Variants in TRAPPC10 observed in about 807,000 individuals in gnomAD.
The protein encoded by TRAPPC10 is TRAPP 130 kDa subunit.
Under a neutral mutation model 125.5 loss-of-function variants are expected in TRAPPC10, and 23 were observed. That is an observed-to-expected ratio of 0.18 (90% CI 0.13 to 0.26). The LOEUF (loss-of-function observed/expected upper bound fraction) is 0.26. Among genes scored for constraint, TRAPPC10 ranks in the 10% least tolerant of loss-of-function variants. TRAPPC10 has a pLI of 1.00. For synonymous variants in TRAPPC10, 509 were observed against 518.0 expected (o/e 0.98, Z 0.24); for missense variants, 1,123 against 1,308.4 (o/e 0.86, Z 2.19).
At chr21:44,031,468 A>G (rs1005611143) in intron 1 of TRAPPC10, among the ~76,000 whole-genome samples, 3 of 152,238 alleles carry the variant, frequency 2.0e-5, no homozygotes, top group Admixed American at 1.3e-4. Flanking sequence ...CTGGATTCCT[A>G]ACTCGCGTCT....
intron 13 of TRAPPC10, 38 bp downstream of exon 13, chr21:44,080,165 C>A: frequency 2.6e-6 from 4 of 1,519,980 alleles, no homozygotes; most frequent in South Asian, 1.1e-5. Flanking sequence ...GGAATATTTT[C>A]AAATATTACA....
Position 44,063,163 on chromosome 21 carries a change from C to G in TRAPPC10, c.791-375C>G. ...TGGTCAGAGCAGGCTGCACTCCAGC[C>G]CACAGGTAAAGATAAGGAAGCCCAG... On this transcript the variant is annotated intron_variant, in intron 6 of 22. Coordinates refer to ENST00000291574, the MANE Select transcript of TRAPPC10 (RefSeq NM_003274.5). The surrounding 1 kb of genome is among the most constrained non-coding windows in gnomAD (Gnocchi z 4.4). 1 of 1,301,862 alleles carries G rather than the reference C, an allele frequency of 7.7e-7. No homozygotes were observed. The highest frequency in any genetic ancestry group is 1.0e-6 in the Non-Finnish European group (1 of 992,022). The allele number at this position is 1,301,862 out of a possible 1,614,324, so 80.6% of individuals were successfully genotyped here.
At position 44,089,895 on chromosome 21, in the gene TRAPPC10, C is replaced by G. The variant is rs763246218; in HGVS notation, c.2832C>G (p.Pro944=). The change falls in exon 18 of 23, where the codon CCC becomes CCG. Residue 944 remains proline (P), a synonymous_variant. Transcript: ENST00000291574. ...STVIALTFSV[P]FRTTHSLLSS... ...TCATCGCACTGACCTTCAGCGTACC[C>G]TTCAGGACCACACACAGCCTCCTGT... is the stretch of plus-strand genomic sequence containing the variant. The G allele has an allele frequency of 5.0e-6, 8 of 1,613,792 alleles. No homozygotes were observed. The highest frequency in any genetic ancestry group is 6.8e-6 in the Non-Finnish European group (8 of 1,179,880).
chr21:44,063,166 C>A lies in TRAPPC10; in HGVS notation c.791-372C>A. ...TCAGAGCAGGCTGCACTCCAGCCCA[C>A]AGGTAAAGATAAGGAAGCCCAGCCC... On this transcript the variant is annotated intron_variant, in intron 6 of 22. Coordinates refer to ENST00000291574, the MANE Select transcript of TRAPPC10 (RefSeq NM_003274.5). This position sits in a 1 kb window ranked among gnomAD's most constrained non-coding sequence, Gnocchi z 4.4. 4 of 1,300,514 alleles carry A rather than the reference C, an allele frequency of 3.1e-6. No homozygotes were observed. In the South Asian group the frequency reaches 5.0e-5, roughly 16 times the overall value. 80.6% of individuals were successfully genotyped at this position (1,300,514 alleles called of 1,614,324 possible).
At chr21:44,062,134 T>G (rs1320157505) in intron 6 of TRAPPC10, among the ~76,000 whole-genome samples, 1 of 152,194 alleles carries the variant, frequency 6.6e-6, no homozygotes, top group Admixed American at 6.5e-5. Flanking sequence ...TTTGACATAA[T>G]TTATTTGGTT....
At chr21:44,038,498 G>A (rs1601615878) in intron 3 of TRAPPC10, among the ~76,000 whole-genome samples, 1 of 151,820 alleles carries the variant, frequency 6.6e-6, no homozygotes, top group South Asian at 2.1e-4. Flanking sequence ...GGCAGGAGGC[G>A]CCCCGTGACT....
chr21:44,020,281 C>A (rs1329355460), intron 1 of TRAPPC10, among the ~76,000 whole-genome samples: 1 of 151,848 alleles, frequency 6.6e-6, no homozygotes. Flanking sequence ...CGCCCACCAC[C>A]ACACCTGGCT....
rs1012050901 is a variant in TRAPPC10, at chr21:44,012,711, GGCCCTCTGACTTTTCGGGGAC to G, written c.67+162_67+182del. On this transcript the variant is annotated intron_variant, in intron 1 of 22. Coordinates refer to ENST00000291574, the MANE Select transcript of TRAPPC10 (RefSeq NM_003274.5). Reference sequence around the variant, plus strand: ...GTGACCAGGGCTGCGGCTGAGGCGGGGCCCTCTGACTTTTCGGGGACGCCCTCTGACCTTCCCGCCGGGCGA... The same window carrying G: ...GTGACCAGGGCTGCGGCTGAGGCGGGGCCCTCTGACCTTCCCGCCGGGCGA... The G allele has an allele frequency of 3.9e-5, 26 of 661,912 alleles. No individual in the cohort carries two copies. In the East Asian group the frequency reaches 7.2e-4, roughly 18 times the overall value. 41.0% of individuals were successfully genotyped at this position (661,912 alleles called of 1,614,324 possible).
intron 9 of TRAPPC10, among the ~76,000 whole-genome samples, chr21:44,075,367 G>C (rs779730236): frequency 3.9e-5 from 6 of 152,214 alleles, no homozygotes; most frequent in Non-Finnish European, 8.8e-5. Context: ...AAATTGGAAG[G>C]AGTTTCAGAA....
intron 20 of TRAPPC10, among the ~76,000 whole-genome samples, chr21:44,095,736 T>G (rs1185514256): frequency 6.6e-6 from 1 of 151,954 alleles, no homozygotes; most frequent in Non-Finnish European, 1.5e-5. Context: ...GCCTGGCTAA[T>G]TTTTTGTATT....
At chr21:44,074,998 C>T (rs1051380293) in intron 8 of TRAPPC10, 41 bp from the exon 9 acceptor site, 69 of 1,408,114 alleles carry the variant, frequency 4.9e-5, no homozygotes, top group Non-Finnish European at 6.6e-5. Flanking sequence ...CCTGCTGACT[C>T]TTACGGCAAA....
rs1230461554 is a variant in TRAPPC10 at position 44,092,151 on chromosome 21, T to G, written c.2997+102T>G. ...CGACTGAGCCTTTAGATAGAACAGCTGCACTGCTGATGAGTAAAGGCTCCT... is the reference window on the plus strand; with the variant it reads ...CGACTGAGCCTTTAGATAGAACAGCGGCACTGCTGATGAGTAAAGGCTCCT... On this transcript the variant is annotated intron_variant, in intron 19 of 22. Coordinates refer to ENST00000291574, the MANE Select transcript of TRAPPC10 (RefSeq NM_003274.5). 19 of 1,445,480 alleles carry G rather than the reference T, an allele frequency of 1.3e-5. No homozygotes were observed. In the East Asian group the frequency reaches 3.7e-4, roughly 28 times the overall value. The allele number at this position is 1,445,480 out of a possible 1,614,324, so 89.5% of individuals were successfully genotyped here. A position where few individuals can be genotyped will look rare whatever the true frequency, so the allele number is the denominator to read the frequency against.
At chr21:44,024,100 G>GT (rs1482612727) in intron 1 of TRAPPC10, among the ~76,000 whole-genome samples, 19 of 152,186 alleles carry the variant, frequency 1.2e-4, no homozygotes, top group African/African-American at 4.3e-4. Flanking sequence ...ATTGTTCTTT[G>GT]TTTTTTGTAT....
At chr21:44,077,929 T>A in intron 11 of TRAPPC10, 145 bp downstream of exon 11, 1 of 497,236 alleles carries the variant, frequency 2.0e-6, no homozygotes. Flanking sequence ...AATTTTTTTT[T>A]CAGTTTCTTC....
At position 44,100,990 on chromosome 21, in the gene TRAPPC10, TA is replaced by T. The variant is rs1467335593; in HGVS notation, c.3347-1787del. Among the ~76,000 whole-genome samples the T allele has an allele frequency of 2.8e-5, 2 of 72,052 alleles. 1 individual carries two copies. 47.3% of individuals were successfully genotyped at this position (72,052 alleles called of 152,430 possible). ...GGCTAATATGGCGAAACCCCATCTC[TA>T]CTAAGAATACAAAAATTAGCTGGGC... On this transcript the variant is annotated intron_variant, in intron 21 of 22. Transcript: ENST00000291574.
chr21:44,081,794 G>A (rs1301946077), intron 13 of TRAPPC10, among the ~76,000 whole-genome samples: 1 of 152,122 alleles, frequency 6.6e-6, no homozygotes, highest in Admixed American at 6.5e-5. Context: ...TAGGAGGATC[G>A]CTTGAGCCCA....
At chr21:44,086,339 T>G (rs565977601) in intron 15 of TRAPPC10, among the ~76,000 whole-genome samples, 8 of 152,256 alleles carry the variant, frequency 5.3e-5, no homozygotes, top group Non-Finnish European at 1.2e-4. Context: ...GCCACCTGAC[T>G]GCTGACTGTT....
chr21:44,075,482 T>TGAC (rs1442696589), intron 9 of TRAPPC10, among the ~76,000 whole-genome samples: 1 of 151,916 alleles, frequency 6.6e-6, no homozygotes, highest in Admixed American at 6.6e-5. Flanking sequence ...CAATACGACC[T>TGAC]GACGATTTTT....
chr21:44,037,485 A>C (rs951195022), intron 2 of TRAPPC10, among the ~76,000 whole-genome samples: 2 of 152,182 alleles, frequency 1.3e-5, no homozygotes, highest in African/African-American at 4.8e-5. Flanking sequence ...ATTCCGTTAC[A>C]CTGAAACCCA....
Sources: gnomAD v4.1 joint callset for allele counts (sites outside exome capture counted in the v4.1 genomes callset) on GRCh38, gnomAD v4.1.1 for gene constraint, Gnocchi (gnomAD v3.1) non-coding constraint, MANE v1.5 for transcripts, NCBI Gene and HGNC (gene_info 2026-07-23, HGNC 2026-07-21) for gene names.